The following NUP214 variants were observed in gnomAD, a reference collection of about 807,000 sequenced individuals.
NUP214 encodes nuclear pore complex protein Nup214.
A neutral mutation model predicts 196.2 loss-of-function variants in NUP214; 79 were observed. The ratio of observed to expected loss-of-function variants is 0.40; its 90% CI spans 0.34 to 0.49. The LOEUF (loss-of-function observed/expected upper bound fraction) is 0.49. Ranked by LOEUF, NUP214 falls within the 20% of genes least tolerant of loss-of-function variation. NUP214 has a pLI of 0.58. For synonymous variants in NUP214, 1,020 were observed against 990.5 expected (o/e 1.03, Z -0.56); for missense variants, 2,468 against 2,539.0 (o/e 0.97, Z 0.60).
intron 11 of NUP214, among the ~76,000 whole-genome samples, 156 bp downstream of exon 11, chr9:131,140,866 A>T (rs987427746): frequency 1.3e-5 from 2 of 152,148 alleles, no homozygotes; most frequent in African/African-American, 4.8e-5. Flanking sequence ...TTAAACATGC[A>T]TGTACATATT....
At chr9:131,139,148 G>GA in intron 9 of NUP214, 133 bp from the exon 10 acceptor site, 1 of 1,020,992 alleles carries the variant, frequency 9.8e-7, no homozygotes, top group Non-Finnish European at 1.3e-6. Flanking sequence ...GTCAACACCT[G>GA]AGTCTAAACC....
intron 30 of NUP214, among the ~76,000 whole-genome samples, chr9:131,213,315 A>G (rs1229092234): frequency 1.3e-5 from 2 of 151,772 alleles, no homozygotes; most frequent in East Asian, 3.9e-4. Flanking sequence ...AGCTGGGATT[A>G]TAGGAATGCA....
chr9:131,170,305 G>A (rs767879160), intron 21 of NUP214, among the ~76,000 whole-genome samples: 6 of 152,220 alleles, frequency 3.9e-5, no homozygotes, highest in East Asian at 1.9e-4. Context: ...GCGAAACTCC[G>A]TCTTTAAAAA....
At position 131,164,077 on chromosome 9, in the gene NUP214, G is replaced by GA. The variant is rs774593651; in HGVS notation, c.2829dup (p.Gln944ThrfsTer36). ...TTCTTGCAGCCAAACTGTCCCCCAT[G>GA]AAACAGGCACAACTGAGAAACTTCT... On this transcript the variant is annotated frameshift_variant, in exon 21 of 36. Coordinates refer to ENST00000359428, the MANE Select transcript of NUP214 (RefSeq NM_005085.4). LOFTEE classifies it high-confidence loss of function. 6.2e-7 allele frequency: 1 copy of GA among 1,614,176 alleles called. No individual in the cohort carries two copies. The highest frequency in any genetic ancestry group is 1.1e-5 in the South Asian group (1 of 91,088).
chr9:131,230,057 G>T (rs13285329), intron 33 of NUP214: 7,233 of 248,932 alleles, frequency 0.029, 151 homozygotes, highest in Non-Finnish European at 0.044. Flanking sequence ...TATCTGGAGG[G>T]AGAACTGAGT....
At chr9:131,152,813 G>A (rs182667492) in intron 17 of NUP214, among the ~76,000 whole-genome samples, 27 of 150,852 alleles carry the variant, frequency 1.8e-4, no homozygotes, top group East Asian at 3.9e-4. Context: ...ACTGAGTCTC[G>A]CACTGTCGCC....
intron 26 of NUP214, 112 bp from the exon 27 acceptor site, chr9:131,192,096 C>A: frequency 1.5e-6 from 1 of 676,912 alleles, no homozygotes; most frequent in Non-Finnish European, 2.3e-6. Flanking sequence ...ACATGTGGTG[C>A]TAAGCAGCAC....
At chr9:131,187,464 GCAA>G in intron 25 of NUP214, 100 bp downstream of exon 25, 1 of 810,636 alleles carries the variant, frequency 1.2e-6, no homozygotes, top group South Asian at 1.6e-5. Flanking sequence ...TTGGCTCACC[GCAA>G]CCTCTGCCTC....
intron 27 of NUP214, among the ~76,000 whole-genome samples, chr9:131,194,854 C>CT (rs1221371838): frequency 6.6e-6 from 1 of 152,202 alleles, no homozygotes; most frequent in African/African-American, 2.4e-5. Flanking sequence ...GACCTTCCTT[C>CT]TGTCCCCTCA....
At chr9:131,204,001 C>A (rs774018673) in intron 30 of NUP214, among the ~76,000 whole-genome samples, 4 of 152,192 alleles carry the variant, frequency 2.6e-5, no homozygotes, top group Admixed American at 1.3e-4. Flanking sequence ...TGATATGGTT[C>A]CAGAGTGATG....
chr9:131,186,969 G>T lies in NUP214; in HGVS notation c.3420-320G>T, dbSNP rs529458990. ...GAATTTCTCGTGGTCTACAACAGGG[G>T]GAAGGGCCAGGGAGGAGGAGGGCTT... On this transcript the variant is annotated intron_variant, in intron 24 of 35. Transcript: ENST00000359428. 8 of 224,842 alleles carry T rather than the reference G, an allele frequency of 3.6e-5. No individual in the cohort carries two copies. The South Asian group carries it at 4.8e-4, about 13-fold the overall frequency. 13.9% of individuals were successfully genotyped at this position (224,842 alleles called of 1,614,324 possible).
chr9:131,168,654 A>G (rs1005981243), intron 21 of NUP214, among the ~76,000 whole-genome samples: 2 of 152,204 alleles, frequency 1.3e-5, no homozygotes, highest in Admixed American at 6.5e-5. Flanking sequence ...TTCACCCATG[A>G]TATGTACCAT....
At chr9:131,127,850 G>A in intron 2 of NUP214, 131 bp downstream of exon 2, 2 of 675,956 alleles carry the variant, frequency 3.0e-6, no homozygotes, top group East Asian at 2.7e-5. Context: ...CTCCCAAGAA[G>A]ATTAATGGAA....
chr9:131,198,284 C>G lies in NUP214; in HGVS notation c.4790C>G (p.Thr1597Arg). The part of the protein sequence containing the change: ...SFSVPGQTAV[T>R]AAAISSAGPV... ...TCTGTGCCTGGGCAGACTGCTGTCACAGCAGCTGCTATCTCAAGTGCAGGC... is the reference window on the plus strand; with the variant it reads ...TCTGTGCCTGGGCAGACTGCTGTCAGAGCAGCTGCTATCTCAAGTGCAGGC... The change falls in exon 29 of 36, where the codon ACA (threonine) becomes AGA (arginine). Residue 1597 changes from threonine to arginine, a missense_variant. This residue lies in a region of NUP214 where 1,801 missense variants were observed against 1,779.4 expected (regional missense o/e 1.01). Coordinates refer to ENST00000359428, the MANE Select transcript of NUP214 (RefSeq NM_005085.4). 6.2e-7 allele frequency: 1 copy of G among 1,614,218 alleles called. No individual in the cohort carries two copies. Among genetic ancestry groups the G allele is most frequent in the Non-Finnish European group, 8.5e-7 (1 of 1,180,048 alleles).
At chr9:131,129,969 T>G (rs996779419) in intron 4 of NUP214, among the ~76,000 whole-genome samples, 4 of 152,010 alleles carry the variant, frequency 2.6e-5, no homozygotes, top group Admixed American at 1.3e-4. Flanking sequence ...TTAACCTGAA[T>G]GTACTTGGGA....
intron 27 of NUP214, 145 bp from the exon 28 acceptor site, chr9:131,195,088 G>A (rs1833735912): frequency 3.3e-6 from 2 of 607,636 alleles, no homozygotes; most frequent in Non-Finnish European, 5.8e-6. Context: ...TTCTGAGATA[G>A]GTGCTTTGAC....
intron 1 of NUP214, 42 bp from the exon 2 acceptor site, chr9:131,127,482 C>A (rs1446437533): frequency 2.0e-6 from 3 of 1,512,078 alleles, no homozygotes; most frequent in East Asian, 4.5e-5. Context: ...GTTTTAATTT[C>A]TTTCTTTATT....
intron 9 of NUP214, 64 bp from the exon 10 acceptor site, chr9:131,139,217 C>G (rs1229477436): frequency 1.3e-5 from 18 of 1,412,752 alleles, no homozygotes; most frequent in African/African-American, 3.0e-5. Context: ...ATGCAAAGCT[C>G]TAACCAACAT....
At chr9:131,134,713 T>C (rs1165374055) in intron 7 of NUP214, among the ~76,000 whole-genome samples, 185 bp from the exon 8 acceptor site, 4 of 152,138 alleles carry the variant, frequency 2.6e-5, no homozygotes, top group Non-Finnish European at 5.9e-5. Flanking sequence ...TTAAATGCAG[T>C]TCGGTTGATG....
Sources: gnomAD v4.1 joint callset for allele counts (sites outside exome capture counted in the v4.1 genomes callset) on GRCh38, gnomAD v4.1.1 for gene constraint, gnomAD v4.1.1 regional missense constraint, MANE v1.5 for transcripts, NCBI Gene and HGNC (gene_info 2026-07-23, HGNC 2026-07-21) for gene names.